GLCE: variants seen among roughly 807,000 people sequenced by gnomAD.
GLCE encodes D-glucuronyl C5-epimerase.
Under a neutral mutation model 47.9 loss-of-function variants are expected in GLCE, and 19 were observed. The ratio of observed to expected loss-of-function variants is 0.40; its 90% CI spans 0.28 to 0.58. GLCE has a LOEUF of 0.58. GLCE is among the 20% of genes least tolerant of loss of function. The pLI is 0.48. For synonymous variants in GLCE, 245 were observed against 263.4 expected, an observed-to-expected ratio of 0.93 and a Z score of 0.68; for missense variants, 556 against 743.3, an observed-to-expected ratio of 0.75 and a Z score of 2.93.
At chr15:69,248,918 G>A (rs916689822) in intron 2 of GLCE, among the ~76,000 whole-genome samples, 2 of 152,094 alleles carry the variant, frequency 1.3e-5, no homozygotes, top group African/African-American at 4.8e-5. Flanking sequence ...TAAGTATTGG[G>A]GATACAACAG....
At chr15:69,221,820 G>A (rs1189710914) in intron 2 of GLCE, among the ~76,000 whole-genome samples, 5 of 142,538 alleles carry the variant, frequency 3.5e-5, no homozygotes, top group South Asian at 2.2e-4. Context: ...CCAGGATCAC[G>A]CCACTGTACT....
At chr15:69,248,092 T>C (rs2052780255) in intron 2 of GLCE, among the ~76,000 whole-genome samples, 1 of 152,242 alleles carries the variant, frequency 6.6e-6, no homozygotes, top group African/African-American at 2.4e-5. Context: ...ACAGATCATT[T>C]CAATTTTGTT....
chr15:69,212,456 T>C (rs2052246216), intron 2 of GLCE, among the ~76,000 whole-genome samples: 1 of 152,028 alleles, frequency 6.6e-6, no homozygotes, highest in Admixed American at 6.6e-5. Flanking sequence ...AATATTTCAT[T>C]ATAAAATCAA....
chr15:69,187,936 C>T (rs1566950623), intron 1 of GLCE, among the ~76,000 whole-genome samples: 1 of 152,146 alleles, frequency 6.6e-6, no homozygotes, highest in East Asian at 1.9e-4. Context: ...TGGTGGCACG[C>T]ACCTGTAGTC....
chr15:69,197,181 C>T (rs1229213152), intron 1 of GLCE: 4 of 417,862 alleles, frequency 9.6e-6, no homozygotes, highest in East Asian at 7.3e-5. Flanking sequence ...GCACAACCAA[C>T]GCTTCAAAAG....
chr15:69,165,278 C>T (rs1168384017), intron 1 of GLCE, among the ~76,000 whole-genome samples: 1 of 152,172 alleles, frequency 6.6e-6, no homozygotes, highest in African/African-American at 2.4e-5. Flanking sequence ...CAGCCCAACT[C>T]TCTATCGTTA....
At chr15:69,229,226 A>G (rs1342423661) in intron 2 of GLCE, among the ~76,000 whole-genome samples, 2 of 152,246 alleles carry the variant, frequency 1.3e-5, no homozygotes, top group African/African-American at 2.4e-5. Context: ...GAACTTAATA[A>G]TTTGGCTTTA....
chr15:69,213,412 T>C (rs2052260525), intron 2 of GLCE, among the ~76,000 whole-genome samples: 1 of 152,118 alleles, frequency 6.6e-6, no homozygotes, highest in Non-Finnish European at 1.5e-5. Flanking sequence ...TGGTCAGGTA[T>C]TTTTGTAGAA....
At chr15:69,226,085 C>T (rs1031155098) in intron 2 of GLCE, among the ~76,000 whole-genome samples, 5 of 135,930 alleles carry the variant, frequency 3.7e-5, no homozygotes, top group Admixed American at 2.3e-4. Flanking sequence ...GACACACACA[C>T]ACCTATTTTA....
intron 1 of GLCE, among the ~76,000 whole-genome samples, chr15:69,181,859 T>G (rs901059874): frequency 6.6e-6 from 1 of 151,584 alleles, no homozygotes; most frequent in African/African-American, 2.4e-5. Context: ...AATGGAAAAT[T>G]TGATGGGATA....
intron 3 of GLCE, among the ~76,000 whole-genome samples, chr15:69,256,930 A>G (rs1372309815): frequency 1.3e-5 from 2 of 152,212 alleles, no homozygotes; most frequent in Non-Finnish European, 1.5e-5. Flanking sequence ...TGTGGATACA[A>G]TTAATATGCT....
chr15:69,222,929 C>CT (rs893470352), intron 2 of GLCE, among the ~76,000 whole-genome samples: 2 of 152,166 alleles, frequency 1.3e-5, no homozygotes, highest in African/African-American at 4.8e-5. Context: ...TTATAACACT[C>CT]TAATTTGAGC....
intron 1 of GLCE, among the ~76,000 whole-genome samples, chr15:69,177,605 G>A (rs1304705281): frequency 1.4e-5 from 2 of 147,566 alleles, no homozygotes; most frequent in Non-Finnish European, 2.9e-5. Context: ...GTTTCTTCAT[G>A]CATGCCCCTT....
At chr15:69,229,624 T>G (rs893394686) in intron 2 of GLCE, among the ~76,000 whole-genome samples, 12 of 151,766 alleles carry the variant, frequency 7.9e-5, no homozygotes, top group African/African-American at 2.4e-4. Flanking sequence ...TAAGTAGAGG[T>G]TTTTTTGTTT....
chr15:69,214,953 T>G (rs1038573642), intron 2 of GLCE, among the ~76,000 whole-genome samples: 15 of 152,186 alleles, frequency 9.9e-5, no homozygotes, highest in Non-Finnish European at 2.2e-4. Context: ...TTTTCCAAAG[T>G]TAGTTGTCAG....
intron 2 of GLCE, among the ~76,000 whole-genome samples, chr15:69,241,513 C>T (rs945681675): frequency 2.6e-5 from 4 of 152,198 alleles, no homozygotes; most frequent in Non-Finnish European, 4.4e-5. Flanking sequence ...AAGTCATTCT[C>T]ACTGGAGCAC....
chr15:69,186,864 A>C (rs1011845049), intron 1 of GLCE, among the ~76,000 whole-genome samples: 1 of 152,136 alleles, frequency 6.6e-6, no homozygotes, highest in Non-Finnish European at 1.5e-5. Context: ...CTGTTTTCTC[A>C]TATACACTTT....
chr15:69,250,391 G>A (rs185616548), intron 2 of GLCE, among the ~76,000 whole-genome samples: 29 of 150,512 alleles, frequency 1.9e-4, no homozygotes, highest in Non-Finnish European at 8.9e-5. Context: ...TACCATCCCC[G>A]CCCCTCTGAA....
chr15:69,227,898 G>A (rs1427453861), intron 2 of GLCE, among the ~76,000 whole-genome samples: 1 of 152,188 alleles, frequency 6.6e-6, no homozygotes, highest in Admixed American at 6.5e-5. Context: ...GTAAGAATAT[G>A]ACTGCTAGTA....
Sources: allele counts gnomAD v4.1 joint callset (sites outside exome capture counted in the v4.1 genomes callset), GRCh38; gene constraint gnomAD v4.1.1; transcripts MANE v1.5; gene names NCBI Gene and HGNC (gene_info 2026-07-23, HGNC 2026-07-21).